The following FNBP1 variants were observed in gnomAD, a reference collection of about 807,000 sequenced individuals.
FNBP1 encodes the protein formin binding protein 1.
FNBP1 carries 26 observed loss-of-function variants against 90.6 expected under a neutral mutation model. The observed-to-expected ratio is 0.29, with a 90% confidence interval of 0.21 to 0.40. The LOEUF is 0.40. Among genes scored for constraint, FNBP1 ranks in the 10% least tolerant of loss-of-function variants. FNBP1 has a pLI of 1.00. For synonymous variants in FNBP1, 260 were observed against 265.2 expected (o/e 0.98, Z 0.19); for missense variants, 635 against 768.0 (o/e 0.83, Z 2.05).
chr9:129,999,575 G>A (rs1163503639), intron 1 of FNBP1, among the ~76,000 whole-genome samples: 2 of 151,638 alleles, frequency 1.3e-5, no homozygotes, highest in African/African-American at 2.4e-5. Context: ...TCCAGCCTGG[G>A]GCGACAGAGT....
chr9:129,998,527 AC>A lies in FNBP1; in HGVS notation c.25-3570del, dbSNP rs1390503432. Among the ~76,000 whole-genome samples, 9 of 145,654 alleles carry A rather than the reference AC, an allele frequency of 6.2e-5. No homozygotes were observed. In the South Asian group the frequency reaches 1.5e-3, roughly 24 times the overall value. Reference sequence around the variant, plus strand: ...AAAACTCCACCTCAAAAAAAAAAAAACAAAAAAGCCCTCTCCCTGTATGATT... The same window carrying A: ...AAAACTCCACCTCAAAAAAAAAAAAAAAAAAAGCCCTCTCCCTGTATGATT... On this transcript the variant is annotated intron_variant, in intron 1 of 16. Coordinates refer to ENST00000446176, the MANE Select transcript of FNBP1 (RefSeq NM_015033.3).
At chr9:129,928,356 G>A (rs142714048) in intron 7 of FNBP1, among the ~76,000 whole-genome samples, 5,294 of 152,258 alleles carry the variant, frequency 0.035, 101 homozygotes, top group South Asian at 0.07. Context: ...ATTAATCACA[G>A]AATCATAGTT....
intron 2 of FNBP1, among the ~76,000 whole-genome samples, chr9:129,984,641 C>T (rs1443043687): frequency 1.3e-5 from 2 of 151,984 alleles, no homozygotes; most frequent in African/African-American, 2.4e-5. Context: ...GATGTGGGTT[C>T]GCTGTGTCCC....
intron 1 of FNBP1, among the ~76,000 whole-genome samples, chr9:130,023,857 C>G (rs1265104647): frequency 6.6e-6 from 1 of 152,108 alleles, no homozygotes; most frequent in Non-Finnish European, 1.5e-5. Flanking sequence ...GTCTTTTTTC[C>G]TTTCCTTTCT....
chr9:130,006,812 T>C (rs890021123), intron 1 of FNBP1, among the ~76,000 whole-genome samples: 8 of 152,198 alleles, frequency 5.3e-5, no homozygotes, highest in African/African-American at 1.4e-4. Context: ...CATGGCTCTT[T>C]GTAGTTGCAT....
chr9:129,914,198 G>A (rs1018258632), intron 11 of FNBP1, among the ~76,000 whole-genome samples: 2 of 147,268 alleles, frequency 1.4e-5, no homozygotes, highest in Non-Finnish European at 3.0e-5. Context: ...TTTCAGACAT[G>A]GTCTCACTCT....
At chr9:130,034,309 T>C (rs1380970293) in intron 1 of FNBP1, among the ~76,000 whole-genome samples, 1 of 60,068 alleles carries the variant, frequency 1.7e-5, no homozygotes, top group Non-Finnish European at 4.4e-5. Flanking sequence ...CAAGACTCCA[T>C]CTCAAAAAAA....
chr9:129,895,050 A>AAAC lies in FNBP1; in HGVS notation c.1846+785_1846+787dup, dbSNP rs571737647. ...GGCAACAGAGCCAGACTCTGTCTCA[A>AAAC]AACAACAACAACAACAAAAACACAA... is the stretch of plus-strand genomic sequence containing the variant. On this transcript the variant is annotated intron_variant, in intron 16 of 16. Transcript: ENST00000446176. 3.2e-3 allele frequency among the ~76,000 whole-genome samples: 484 copies of AAAC among 152,208 alleles called. 2 individuals carry two copies. The highest frequency in any genetic ancestry group is 0.011 in the African/African-American group (459 of 41,504).
rs75079383 is a variant in FNBP1 at position 129,924,951 on chromosome 9, C to T, written c.987+9G>A. 6 of 1,606,724 alleles carry T rather than the reference C, an allele frequency of 3.7e-6. No individual in the cohort carries two copies. Among genetic ancestry groups the T allele is most frequent in the South Asian group, 3.3e-5 (3 of 90,316 alleles). ...CTTAGAAAACTCATTTCACGCCAAC[C>T]ATCAGTACCTTATTTTTTTTGATGA... On this transcript the variant is annotated intron_variant, in intron 9 of 16. Coordinates refer to ENST00000446176, the MANE Select transcript of FNBP1 (RefSeq NM_015033.3).
chr9:130,009,611 G>T (rs2056272586), intron 1 of FNBP1, among the ~76,000 whole-genome samples: 1 of 152,154 alleles, frequency 6.6e-6, no homozygotes, highest in Admixed American at 6.5e-5. Context: ...GACTATCCTG[G>T]CCAACATGGT....
At chr9:130,000,988 T>C (rs1036182490) in intron 1 of FNBP1, among the ~76,000 whole-genome samples, 1 of 152,160 alleles carries the variant, frequency 6.6e-6, no homozygotes, top group Non-Finnish European at 1.5e-5. Flanking sequence ...AAATGAATAA[T>C]CTTCACTGTT....
chr9:130,013,794 C>T (rs1018900503), intron 1 of FNBP1: 1 of 452,092 alleles, frequency 2.2e-6, no homozygotes, highest in Non-Finnish European at 4.4e-6. Context: ...GGTTTAATAT[C>T]ATTATCAAAG....
intron 16 of FNBP1, among the ~76,000 whole-genome samples, chr9:129,893,343 C>T (rs1396234635): frequency 6.6e-6 from 1 of 151,578 alleles, no homozygotes; most frequent in East Asian, 1.9e-4. Context: ...GTGGCTCACC[C>T]TGTAATCCCA....
At chr9:130,003,122 A>T (rs917554170) in intron 1 of FNBP1, among the ~76,000 whole-genome samples, 5 of 14,866 alleles carry the variant, frequency 3.4e-4, no homozygotes, top group African/African-American at 5.1e-4. Context: ...TATCTTCATT[A>T]AGTTCAAAAA....
intron 6 of FNBP1, among the ~76,000 whole-genome samples, chr9:129,943,678 C>A (rs529372511): frequency 6.6e-6 from 1 of 152,112 alleles, no homozygotes; most frequent in Non-Finnish European, 1.5e-5. Context: ...TGAGCCACTG[C>A]GCCCGGCCTA....
rs2034828893 is a variant in FNBP1, at chr9:129,887,586, T to C, written c.*2953A>G. ...ATGTTACCAAAAGGCATCGAGACCTTTGCGCTGCGCTGGTTAGACAAGCCG... is the reference window on the plus strand; with the variant it reads ...ATGTTACCAAAAGGCATCGAGACCTCTGCGCTGCGCTGGTTAGACAAGCCG... On this transcript the variant is annotated 3_prime_UTR_variant, in exon 17 of 17. Transcript: ENST00000446176. 1 of 214,116 alleles carries C rather than the reference T, an allele frequency of 4.7e-6. No individual in the cohort carries two copies. The highest frequency in any genetic ancestry group is 1.9e-4 in the South Asian group (1 of 5,370). 13.3% of individuals were successfully genotyped at this position (214,116 alleles called of 1,614,324 possible). A position where few individuals can be genotyped will look rare whatever the true frequency, so the allele number is the denominator to read the frequency against.
rs1281455370 is a variant in FNBP1 at position 129,957,852 on chromosome 9, C to T, written c.409-388G>A. Among the ~76,000 whole-genome samples the T allele has an allele frequency of 1.3e-5, 2 of 152,092 alleles. No individual in the cohort carries two copies. Among genetic ancestry groups the T allele is most frequent in the African/African-American group, 2.4e-5 (1 of 41,422 alleles). On this transcript the variant is annotated intron_variant, in intron 5 of 16. Coordinates refer to ENST00000446176, the MANE Select transcript of FNBP1 (RefSeq NM_015033.3). The surrounding 1 kb of genome is among the most constrained non-coding windows in gnomAD (Gnocchi z 4.3). ...ACAGGCGTGAGCCAATGTGTCTGGC[C>T]CAAGAATACTCTTCTCTGAATTGAT... is the stretch of plus-strand genomic sequence containing the variant.
chr9:130,050,187 A>G, the FNBP1 span, among the ~76,000 whole-genome samples: 1 of 152,204 alleles, frequency 6.6e-6, no homozygotes, highest in East Asian at 1.9e-4. Context: ...GGGACTCAAG[A>G]AAGCAATCAA....
At position 130,032,291 on chromosome 9, in the gene FNBP1, T is replaced by G. The variant is rs572531339; in HGVS notation, c.24+10661A>C. 2.2e-3 allele frequency among the ~76,000 whole-genome samples: 338 copies of G among 152,074 alleles called. 2 individuals are homozygous for G. The highest frequency in any genetic ancestry group is 8.0e-3 in the African/African-American group (331 of 41,478). On this transcript the variant is annotated intron_variant, in intron 1 of 16. Transcript: ENST00000446176. ...TCTGAAGTGATCCTCCCATCTCAGC[T>G]TCCCAAGTAGCTGGGACTACAGGCA...
Sources: allele counts gnomAD v4.1 joint callset (sites outside exome capture counted in the v4.1 genomes callset), GRCh38; gene constraint gnomAD v4.1.1; non-coding constraint Gnocchi (gnomAD v3.1); transcripts MANE v1.5; gene names NCBI Gene and HGNC (gene_info 2026-07-23, HGNC 2026-07-21).